Variants in NUBPL observed in about 807,000 individuals in gnomAD.
NUBPL encodes the protein iron-sulfur cluster transfer protein NUBPL.
In NUBPL, 31 loss-of-function variants were observed where a neutral mutation model predicts 45.7. That is an observed-to-expected ratio of 0.68 (90% CI 0.51 to 0.92). The LOEUF (loss-of-function observed/expected upper bound fraction) is 0.92, where lower values mean the gene tolerates loss of function less well. NUBPL is among the 40% of genes least tolerant of loss of function. NUBPL has a pLI of 0.00. For missense variants in NUBPL, 401 were observed against 398.7 expected (o/e 1.01, Z -0.05); for synonymous variants, 144 against 140.9 (o/e 1.02, Z -0.15).
chr14:31,692,500 GT>G (rs1451061613), intron 6 of NUBPL, among the ~76,000 whole-genome samples: 12 of 152,196 alleles, frequency 7.9e-5, no homozygotes, highest in African/African-American at 2.9e-4. Flanking sequence ...TTTGGCAGCA[GT>G]TTTAGTGCTT....
At chr14:31,620,902 G>T (rs947534691) in intron 4 of NUBPL, among the ~76,000 whole-genome samples, 1 of 152,206 alleles carries the variant, frequency 6.6e-6, no homozygotes, top group Non-Finnish European at 1.5e-5. Flanking sequence ...TCCCCCAGGG[G>T]CTCTGTCCCA....
intron 3 of NUBPL, among the ~76,000 whole-genome samples, chr14:31,579,803 G>A (rs1344723285): frequency 6.6e-6 from 1 of 152,216 alleles, no homozygotes; most frequent in African/African-American, 2.4e-5. Flanking sequence ...GGGCACAGAG[G>A]AGGAAGATCT....
intron 6 of NUBPL, among the ~76,000 whole-genome samples, chr14:31,682,231 A>G (rs1375323959): frequency 6.6e-6 from 1 of 152,030 alleles, no homozygotes; most frequent in African/African-American, 2.4e-5. Context: ...TTGAATTGTT[A>G]TGTATTCGTG....
intron 4 of NUBPL, among the ~76,000 whole-genome samples, chr14:31,633,696 T>A (rs139956236): frequency 6.6e-6 from 1 of 152,294 alleles, no homozygotes; most frequent in Non-Finnish European, 1.5e-5. Flanking sequence ...CTCTATTTAT[T>A]AACTGGTTTT....
intron 6 of NUBPL, among the ~76,000 whole-genome samples, chr14:31,701,500 G>C (rs1241183833): frequency 6.6e-6 from 1 of 152,244 alleles, no homozygotes; most frequent in Admixed American, 6.5e-5. Context: ...TGGAAGCTTT[G>C]TTCTTTCGCT....
At chr14:31,760,049 A>C (rs2038764873) in intron 6 of NUBPL, among the ~76,000 whole-genome samples, 1 of 151,288 alleles carries the variant, frequency 6.6e-6, no homozygotes, top group African/African-American at 2.4e-5. Context: ...TATTGTTATT[A>C]ACTGTAGTCA....
At chr14:31,673,813 T>G (rs1433780322) in intron 6 of NUBPL, among the ~76,000 whole-genome samples, 4 of 152,194 alleles carry the variant, frequency 2.6e-5, no homozygotes, top group African/African-American at 9.7e-5. Flanking sequence ...TTAATACTGT[T>G]TTCTTGCTTT....
intron 6 of NUBPL, among the ~76,000 whole-genome samples, chr14:31,726,491 C>T (rs993591723): frequency 5.3e-5 from 8 of 152,166 alleles, no homozygotes; most frequent in African/African-American, 1.9e-4. Flanking sequence ...GTTGCTATAT[C>T]ATTTTTCTGG....
chr14:31,788,529 C>G (rs1034384613), intron 7 of NUBPL, among the ~76,000 whole-genome samples: 1 of 152,166 alleles, frequency 6.6e-6, no homozygotes, highest in Non-Finnish European at 1.5e-5. Flanking sequence ...ATGAAGTCTA[C>G]TTAATGGCAT....
chr14:31,764,454 T>C (rs547271466), intron 6 of NUBPL, among the ~76,000 whole-genome samples: 7 of 152,290 alleles, frequency 4.6e-5, no homozygotes, highest in African/African-American at 1.4e-4. Context: ...ATGTAAATGT[T>C]TGTATTAATT....
chr14:31,812,270 G>A (rs1043315006), intron 7 of NUBPL, among the ~76,000 whole-genome samples: 2 of 152,178 alleles, frequency 1.3e-5, no homozygotes, highest in African/African-American at 4.8e-5. Context: ...GAGACATTTG[G>A]GCCTCGTTGA....
chr14:31,760,936 G>A (rs556403568), intron 6 of NUBPL, among the ~76,000 whole-genome samples: 36 of 151,426 alleles, frequency 2.4e-4, no homozygotes, highest in African/African-American at 7.5e-4. Flanking sequence ...GGCTCAAGTC[G>A]TCCTCCCACC....
At chr14:31,572,261 T>C (rs748358882) in intron 3 of NUBPL, among the ~76,000 whole-genome samples, 11 of 152,024 alleles carry the variant, frequency 7.2e-5, no homozygotes, top group Non-Finnish European at 1.5e-4. Context: ...TGCCTCAGCC[T>C]CCCGAGTAGC....
At chr14:31,712,563 G>A (rs554350506) in intron 6 of NUBPL, among the ~76,000 whole-genome samples, 5 of 152,360 alleles carry the variant, frequency 3.3e-5, no homozygotes, top group African/African-American at 4.8e-5. Flanking sequence ...GCCTCGGCCA[G>A]CCCCAGAGAG....
chr14:31,668,767 C>A (rs1031885766), intron 4 of NUBPL, among the ~76,000 whole-genome samples: 1 of 152,194 alleles, frequency 6.6e-6, no homozygotes, highest in African/African-American at 2.4e-5. Context: ...GGCACAGTCC[C>A]TCAGGGCTTC....
chr14:31,669,034 T>C (rs1413581579), intron 4 of NUBPL, among the ~76,000 whole-genome samples: 1 of 152,224 alleles, frequency 6.6e-6, no homozygotes, highest in Non-Finnish European at 1.5e-5. Flanking sequence ...TGATTTTATT[T>C]ATTTTATTTT....
chr14:31,811,235 C>T (rs1419890924), intron 7 of NUBPL, among the ~76,000 whole-genome samples: 2 of 152,236 alleles, frequency 1.3e-5, no homozygotes, highest in Admixed American at 1.3e-4. Context: ...TTCCATTCTC[C>T]CCATCACTTT....
At chr14:31,564,983 T>G in intron 2 of NUBPL, 31 bp from the exon 3 acceptor site, 3 of 1,342,802 alleles carry the variant, frequency 2.2e-6, no homozygotes, top group Non-Finnish European at 3.2e-6. Context: ...GGAAAGTTAC[T>G]AAATTCAATT....
chr14:31,731,595 T>C (rs1277720256), intron 6 of NUBPL, among the ~76,000 whole-genome samples: 1 of 152,218 alleles, frequency 6.6e-6, no homozygotes, highest in Admixed American at 6.5e-5. Context: ...CAGGAATGGA[T>C]ACAAAGAACA....
Sources: allele counts gnomAD v4.1 joint callset (sites outside exome capture counted in the v4.1 genomes callset), GRCh38; gene constraint gnomAD v4.1.1; transcripts MANE v1.5; gene names NCBI Gene and HGNC (gene_info 2026-07-23, HGNC 2026-07-21).